Variants in URB1 observed in about 807,000 individuals in gnomAD.
URB1 encodes nucleolar pre-ribosomal-associated protein 1.
In URB1, 197 loss-of-function variants were observed where a neutral mutation model predicts 242.3. The ratio of observed to expected loss-of-function variants is 0.81; its 90% CI spans 0.72 to 0.91. The LOEUF is 0.91. Ranked by LOEUF, URB1 falls within the 40% of genes least tolerant of loss-of-function variation. URB1 has a pLI of 0.00. For missense variants in URB1, 2,721 were observed against 2,860.5 expected, an observed-to-expected ratio of 0.95 and a Z score of 1.11; for synonymous variants, 1,153 against 1,201.8, an observed-to-expected ratio of 0.96 and a Z score of 0.84.
intron 28 of URB1, among the ~76,000 whole-genome samples, chr21:32,336,527 T>C (rs2032961590): frequency 6.6e-6 from 1 of 152,092 alleles, no homozygotes; most frequent in South Asian, 2.1e-4. Context: ...GCGGCACTTG[T>C]AAAGGTGAGG....
chr21:32,335,748 G>A (rs561148120), intron 28 of URB1: 3 of 152,776 alleles, frequency 2.0e-5, no homozygotes, highest in Non-Finnish European at 2.9e-5. Context: ...GCCACGTAGC[G>A]TCCAGGATCC....
At chr21:32,355,768 C>G (rs2033213416) in intron 15 of URB1, among the ~76,000 whole-genome samples, 1 of 152,280 alleles carries the variant, frequency 6.6e-6, no homozygotes, top group African/African-American at 2.4e-5. Context: ...GCCAACACGT[C>G]CAGCTAATTT....
chr21:32,354,025 T>A lies in URB1; in HGVS notation c.2324A>T (p.Asp775Val). Residue 775 changes from aspartate to valine, a missense_variant, in exon 18 of 39, where the codon GAC becomes GTC. Transcript: ENST00000382751. ...GAATGGGAACGTGAGCAGGATCATG[T>A]CTTCACTCAACGTGAACCCTATTTC... ...DEEIGFTLSEDMILLTFPFSA... is the reference protein window; with the variant it reads ...DEEIGFTLSEVMILLTFPFSA... 6.4e-7 allele frequency: 1 copy of A among 1,551,762 alleles called. No individual in the cohort carries two copies. The highest frequency in any genetic ancestry group is 8.7e-7 in the Non-Finnish European group (1 of 1,147,004).
intron 28 of URB1, among the ~76,000 whole-genome samples, chr21:32,334,911 C>T (rs1158133917): frequency 2.0e-5 from 3 of 152,186 alleles, no homozygotes; most frequent in African/African-American, 7.2e-5. Flanking sequence ...ACCTCAACCG[C>T]CACCACAGCT....
At position 32,312,976 on chromosome 21, in the gene URB1, G is replaced by C. The variant is rs1343779705; in HGVS notation, c.*1942C>G. On this transcript the variant is annotated 3_prime_UTR_variant, in exon 39 of 39. Transcript: ENST00000382751. Reference sequence around the variant, plus strand: ...AAGTGACTGGAAAATACACGAACAAGGTCAGGGCAGTGGATTTAAAAGGGA... The same window carrying C: ...AAGTGACTGGAAAATACACGAACAACGTCAGGGCAGTGGATTTAAAAGGGA... The C allele has an allele frequency of 1.3e-5, 2 of 152,208 alleles. No homozygotes were observed. Among genetic ancestry groups the C allele is most frequent in the Non-Finnish European group, 2.9e-5 (2 of 68,052 alleles). The allele number at this position is 152,208 out of a possible 1,614,324, so 9.4% of individuals were successfully genotyped here.
At chr21:32,338,980 C>G in intron 25 of URB1, 80 bp from the exon 26 acceptor site, 1 of 1,324,540 alleles carries the variant, frequency 7.5e-7, no homozygotes. Context: ...GATTCTTTTT[C>G]TCAGTATTTT....
rs2033430412 is a variant in URB1, at chr21:32,373,757, T to G, written c.766A>C (p.Asn256His). 3.9e-6 allele frequency: 6 copies of G among 1,542,684 alleles called. No homozygotes were observed. In the East Asian group the frequency reaches 1.2e-4, roughly 32 times the overall value. ...CGCACCTTCTGGGTTTTTGTGATATTTTTATTGTGAACTACCTGAAACAAT... is the reference window on the plus strand; with the variant it reads ...CGCACCTTCTGGGTTTTTGTGATATGTTTATTGTGAACTACCTGAAACAAT... Reference protein sequence around the residue: ...TLKTKVVHNKNITKTQKVRFF... With the variant: ...TLKTKVVHNKHITKTQKVRFF... Residue 256 changes from asparagine (N) to histidine (H), a missense_variant, in exon 7 of 39, where the codon AAT (asparagine) becomes CAT (histidine). Coordinates refer to ENST00000382751, the MANE Select transcript of URB1 (RefSeq NM_014825.3).
intron 24 of URB1, among the ~76,000 whole-genome samples, chr21:32,343,462 G>T (rs1302545924): frequency 1.3e-5 from 2 of 152,130 alleles, no homozygotes; most frequent in African/African-American, 4.8e-5. Flanking sequence ...AGTATACAAA[G>T]GTCTCAAACA....
At position 32,314,897 on chromosome 21, in the gene URB1, C is replaced by A; in HGVS notation, c.*21G>T. The A allele has an allele frequency of 6.5e-7, 1 of 1,544,348 alleles. No individual in the cohort carries two copies. The highest frequency in any genetic ancestry group is 1.2e-5 in the South Asian group (1 of 83,180). ...GCTCGAGGCTCTGGTCATCAGGGTG[C>A]AAGGTGCTGGCCGGCAGGAGTCAAG... On this transcript the variant is annotated 3_prime_UTR_variant, in exon 39 of 39. Transcript: ENST00000382751.
intron 18 of URB1, 132 bp downstream of exon 18, chr21:32,353,801 C>T (rs2033186032): frequency 1.8e-6 from 2 of 1,122,686 alleles, no homozygotes; most frequent in Non-Finnish European, 2.4e-6. Context: ...GTAGCTATCA[C>T]TCTGGGGGTT....
chr21:32,355,351 C>T (rs2123590854), intron 16 of URB1, 98 bp downstream of exon 16: 3 of 1,057,280 alleles, frequency 2.8e-6, no homozygotes, highest in South Asian at 2.9e-5. Context: ...GGACGAGAAG[C>T]CTTTTGGTGC....
At chr21:32,353,317 G>A (rs2033180492) in intron 18 of URB1, among the ~76,000 whole-genome samples, 1 of 152,094 alleles carries the variant, frequency 6.6e-6, no homozygotes, top group Non-Finnish European at 1.5e-5. Flanking sequence ...ACCCTTTCCA[G>A]TTCCCTTTCC....
chr21:32,345,236 T>C (rs1485783704), intron 23 of URB1, 138 bp downstream of exon 23: 4 of 956,578 alleles, frequency 4.2e-6, no homozygotes, highest in East Asian at 2.7e-5. Context: ...TGGCTGGAAG[T>C]AGAGTTCTCA....
At chr21:32,334,914 C>G (rs1045128342) in intron 28 of URB1, among the ~76,000 whole-genome samples, 1 of 152,176 alleles carries the variant, frequency 6.6e-6, no homozygotes, top group Non-Finnish European at 1.5e-5. Flanking sequence ...TCAACCGCCA[C>G]CACAGCTGTC....
chr21:32,370,136 T>C (rs2033391316), intron 8 of URB1, among the ~76,000 whole-genome samples: 1 of 152,224 alleles, frequency 6.6e-6, no homozygotes, highest in African/African-American at 2.4e-5. Context: ...TCCTATCTGC[T>C]TGACCCTGTG....
At chr21:32,315,440 A>G (rs989663440) in intron 38 of URB1, among the ~76,000 whole-genome samples, 2 of 152,002 alleles carry the variant, frequency 1.3e-5, no homozygotes, top group African/African-American at 2.4e-5. Context: ...CAGCCTCCAG[A>G]GTAGCTGGGA....
In URB1 at chr21:32,317,863, C is replaced by T; in HGVS notation, c.5847G>A (p.Val1949=). The change falls in exon 37 of 39, where the codon GTG becomes GTA. Residue 1949 remains valine (V), a synonymous_variant. Coordinates refer to ENST00000382751, the MANE Select transcript of URB1 (RefSeq NM_014825.3). ...GTATGACAGTGGCCCGGTACCTCAGCACGGAGTCAAGTGTCCCGAAGAAGT... is the reference window on the plus strand; with the variant it reads ...GTATGACAGTGGCCCGGTACCTCAGTACGGAGTCAAGTGTCCCGAAGAAGT... ...LTNFFGTLDS[V]LRYRATVIQA... The T allele has an allele frequency of 3.9e-6, 6 of 1,551,840 alleles. No homozygotes were observed. The highest frequency in any genetic ancestry group is 2.7e-5 in the African/African-American group (2 of 73,170).
At chr21:32,362,245 G>C (rs1362072419) in intron 11 of URB1, among the ~76,000 whole-genome samples, 1 of 151,228 alleles carries the variant, frequency 6.6e-6, no homozygotes, top group Non-Finnish European at 1.5e-5. Context: ...TCACTCTGTC[G>C]CCCAGGCTGG....
chr21:32,368,546 C>T lies in URB1; in HGVS notation c.1054G>A (p.Asp352Asn). Reference sequence around the variant, plus strand: ...ACAAGGTCAGCCACCAGATCATCATCAGCTGCAGTTTTCAAACCCAGCAAG... The same window carrying T: ...ACAAGGTCAGCCACCAGATCATCATTAGCTGCAGTTTTCAAACCCAGCAAG... ...HFLLGLKTAA[D>N]DDLVADLVVN... Residue 352 changes from aspartate to asparagine, a missense_variant, in exon 9 of 39, where the codon GAT (aspartate) becomes AAT (asparagine). Transcript: ENST00000382751. 6.4e-7 allele frequency: 1 copy of T among 1,551,734 alleles called. No individual in the cohort carries two copies. The highest frequency in any genetic ancestry group is 8.7e-7 in the Non-Finnish European group (1 of 1,147,002).
Sources: gnomAD v4.1 joint callset for allele counts (sites outside exome capture counted in the v4.1 genomes callset) on GRCh38, gnomAD v4.1.1 for gene constraint, MANE v1.5 for transcripts, NCBI Gene and HGNC (gene_info 2026-07-23, HGNC 2026-07-21) for gene names.